Variants in ARCN1 observed in about 807,000 individuals in gnomAD.
ARCN1 encodes the protein coatomer subunit delta.
In ARCN1, 5 loss-of-function variants were observed where a neutral mutation model predicts 60.4. The observed-to-expected ratio is 0.08, with a 90% confidence interval of 0.04 to 0.17. The LOEUF is 0.17. Among genes scored for constraint, ARCN1 ranks in the 10% least tolerant of loss-of-function variants. ARCN1 has a pLI of 1.00. For missense variants in ARCN1, 464 were observed against 626.5 expected (o/e 0.74, Z 2.77); for synonymous variants, 224 against 220.0 (o/e 1.02, Z -0.16).
chr11:118,593,940 G>C, intron 8 of ARCN1: 1 of 339,844 alleles, frequency 2.9e-6, no homozygotes, highest in Non-Finnish European at 5.6e-6. Context: ...CTTCACTTCA[G>C]AGGGGCACAA....
At chr11:118,584,679 GAATACAGTCCACAT>G (rs781793912) in intron 5 of ARCN1, 35 bp downstream of exon 5, 1 of 1,531,738 alleles carries the variant, frequency 6.5e-7, no homozygotes, top group South Asian at 1.3e-5. Context: ...TTCAAGCTTT[GAATACAGTCCACAT>G]AATTTTTTAA....
chr11:118,584,448 T>A, intron 4 of ARCN1, 32 bp from the exon 5 acceptor site: 1 of 1,586,000 alleles, frequency 6.3e-7, no homozygotes, highest in Non-Finnish European at 8.6e-7. Flanking sequence ...AAATAAACCT[T>A]TGGGTAATGA....
intron 4 of ARCN1, 148 bp downstream of exon 4, chr11:118,584,162 G>A: frequency 1.2e-6 from 1 of 823,374 alleles, no homozygotes. Context: ...TACAATATGA[G>A]GATAAAGAAG....
At chr11:118,590,792 G>A (rs1248252398) in intron 6 of ARCN1, among the ~76,000 whole-genome samples, 2 of 152,310 alleles carry the variant, frequency 1.3e-5, no homozygotes, top group Non-Finnish European at 2.9e-5. Flanking sequence ...GGAGGTGTTT[G>A]TCTTTTGCTG....
At chr11:118,599,955 C>G (rs925181942) in intron 9 of ARCN1, among the ~76,000 whole-genome samples, 1 of 152,148 alleles carries the variant, frequency 6.6e-6, no homozygotes, top group African/African-American at 2.4e-5. Context: ...TTGGAAGCAA[C>G]TGTATTGAAC....
intron 1 of ARCN1, chr11:118,573,647 G>A (rs782321762): frequency 1.0e-5 from 7 of 702,300 alleles, no homozygotes; most frequent in African/African-American, 3.5e-5. Flanking sequence ...ATCGTCCAGT[G>A]TACCTGAGAG....
At chr11:118,597,683 T>C in intron 8 of ARCN1, 24 bp from the exon 9 acceptor site, 3 of 1,612,496 alleles carry the variant, frequency 1.9e-6, no homozygotes, top group South Asian at 1.1e-5. Context: ...ACAGCTACCT[T>C]GACCAGAATG....
At chr11:118,594,347 G>A (rs569434043) in intron 8 of ARCN1, among the ~76,000 whole-genome samples, 20 of 152,110 alleles carry the variant, frequency 1.3e-4, no homozygotes, top group South Asian at 4.2e-4. Flanking sequence ...TGATCTGCCC[G>A]CCTCGGCCTC....
At position 118,601,615 on chromosome 11, in the gene ARCN1, A is replaced by C; in HGVS notation, c.*901A>C. 1 of 702,890 alleles carries C rather than the reference A, an allele frequency of 1.4e-6. No homozygotes were observed. Among genetic ancestry groups the C allele is most frequent in the Non-Finnish European group, 2.6e-6 (1 of 384,942 alleles). The allele number at this position is 702,890 out of a possible 1,614,324, so 43.5% of individuals were successfully genotyped here. Reference sequence around the variant, plus strand: ...TATTCAGGTGAACTATTTGAGGGGTATGGGGTCTAGAAGTTAAAAGATACG... The same window carrying C: ...TATTCAGGTGAACTATTTGAGGGGTCTGGGGTCTAGAAGTTAAAAGATACG... On this transcript the variant is annotated 3_prime_UTR_variant, in exon 10 of 10. Coordinates refer to ENST00000264028, the MANE Select transcript of ARCN1 (RefSeq NM_001655.5).
At chr11:118,581,146 C>T in intron 1 of ARCN1, 100 bp from the exon 2 acceptor site, 2 of 1,452,510 alleles carry the variant, frequency 1.4e-6, no homozygotes, top group Non-Finnish European at 1.9e-6. Flanking sequence ...CTAGTCATGT[C>T]ACTAAATAAA....
intron 7 of ARCN1, 70 bp from the exon 8 acceptor site, chr11:118,593,520 C>T (rs1938958948): frequency 2.8e-6 from 3 of 1,054,394 alleles, no homozygotes; most frequent in Non-Finnish European, 1.4e-6. Context: ...GCTGGGGTTA[C>T]AGGCATGAGC....
intron 1 of ARCN1, among the ~76,000 whole-genome samples, chr11:118,579,750 A>G (rs1555074293): frequency 2.0e-5 from 3 of 152,070 alleles, no homozygotes; most frequent in Non-Finnish European, 2.9e-5. Flanking sequence ...TAATTCACTT[A>G]TATGTATATG....
At position 118,584,018 on chromosome 11, in the gene ARCN1, T is replaced by C. The variant is rs367830871; in HGVS notation, c.653+4T>C. 1.7e-5 allele frequency: 27 copies of C among 1,613,516 alleles called. No individual in the cohort carries two copies. The highest frequency in any genetic ancestry group is 2.2e-5 in the Non-Finnish European group (26 of 1,179,650). On this transcript the variant is annotated splice_donor_region_variant and intron_variant, in intron 4 of 9. Coordinates refer to ENST00000264028, the MANE Select transcript of ARCN1 (RefSeq NM_001655.5). ...AAGTGGCACCTGCACCAGCCAGGTA[T>C]AATCCAGTGTACTTTAGAATACCAG... is the stretch of plus-strand genomic sequence containing the variant.
chr11:118,572,774 C>T, intron 1 of ARCN1: 1 of 490,158 alleles, frequency 2.0e-6, no homozygotes, highest in Non-Finnish European at 3.6e-6. Context: ...CCGCACCACC[C>T]CCCAACCAGC....
intron 1 of ARCN1, chr11:118,573,646 T>C: frequency 1.4e-6 from 1 of 702,380 alleles, no homozygotes. Context: ...CATCGTCCAG[T>C]GTACCTGAGA....
Position 118,601,196 on chromosome 11 carries a change from G to A in ARCN1, c.*482G>A, listed in dbSNP as rs1939139469. On this transcript the variant is annotated 3_prime_UTR_variant, in exon 10 of 10. Transcript: ENST00000264028. ...TCCTGCCTCAGCCTCCGAGTAGCTG[G>A]GACTACAGGTGCACGCCACCACGCC... The A allele has an allele frequency of 4.1e-6, 1 of 245,738 alleles. No homozygotes were observed. The highest frequency in any genetic ancestry group is 5.5e-5 in the Admixed American group (1 of 18,268). The allele number at this position is 245,738 out of a possible 1,614,324, so 15.2% of individuals were successfully genotyped here.
rs1555078290 is a variant in ARCN1 at position 118,602,322 on chromosome 11, A to G, written c.*1608A>G. On this transcript the variant is annotated 3_prime_UTR_variant, in exon 10 of 10. Transcript: ENST00000264028. ...TTCCATCTCATCCATTTCCTTTTCA[A>G]TGGAGACTACAGCGTCAGCCAGCTC... is the stretch of plus-strand genomic sequence containing the variant. 1 of 153,896 alleles carries G rather than the reference A, an allele frequency of 6.5e-6. No individual in the cohort carries two copies. Among genetic ancestry groups the G allele is most frequent in the South Asian group, 2.1e-4 (1 of 4,820 alleles). The allele number at this position is 153,896 out of a possible 1,614,324, so 9.5% of individuals were successfully genotyped here.
chr11:118,586,852 CAAA>C (rs781894156), intron 5 of ARCN1, among the ~76,000 whole-genome samples: 4 of 53,380 alleles, frequency 7.5e-5, no homozygotes, highest in East Asian at 6.0e-4. Flanking sequence ...ACTCTATCTC[CAAA>C]AAAAAAAAAA....
Position 118,601,997 on chromosome 11 carries a change from C to G in ARCN1, c.*1283C>G, listed in dbSNP as rs890506968. ...CCACCTCCCTCTTCCAGACTGCACT[C>G]TCTGTCATCAGTCCCCTCCTTTCTA... On this transcript the variant is annotated 3_prime_UTR_variant, in exon 10 of 10. Coordinates refer to ENST00000264028, the MANE Select transcript of ARCN1 (RefSeq NM_001655.5). 4 of 424,644 alleles carry G rather than the reference C, an allele frequency of 9.4e-6. No individual in the cohort carries two copies. The highest frequency in any genetic ancestry group is 1.7e-5 in the Non-Finnish European group (4 of 236,028). 26.3% of individuals were successfully genotyped at this position (424,644 alleles called of 1,614,324 possible).
Sources: allele counts gnomAD v4.1 joint callset (sites outside exome capture counted in the v4.1 genomes callset), GRCh38; gene constraint gnomAD v4.1.1; transcripts MANE v1.5; gene names NCBI Gene and HGNC (gene_info 2026-07-23, HGNC 2026-07-21).